Variants in MFSD8 observed in about 807,000 individuals in gnomAD.
The protein encoded by MFSD8 is major facilitator superfamily domain-containing protein 8.
In MFSD8, 55 loss-of-function variants were observed where a neutral mutation model predicts 66.4. The ratio of observed to expected loss-of-function variants is 0.83; its 90% CI spans 0.67 to 1.04. The LOEUF (loss-of-function observed/expected upper bound fraction) is 1.04, where lower values mean the gene tolerates loss of function less well. MFSD8 is among the 50% of genes least tolerant of loss of function. MFSD8 has a pLI of 0.00. For synonymous variants in MFSD8, 202 were observed against 212.8 expected, an observed-to-expected ratio of 0.95 and a Z score of 0.44; for missense variants, 550 against 627.6, an observed-to-expected ratio of 0.88 and a Z score of 1.32.
rs534117007 is a variant in MFSD8 at position 127,922,067 on chromosome 4, T to C, written c.999-104A>G. ...TAAAAATAATATCTTGTACTTTTAGTGATATATCCATTAAAAAGAATGCTA... is the reference window on the plus strand; with the variant it reads ...TAAAAATAATATCTTGTACTTTTAGCGATATATCCATTAAAAAGAATGCTA... On this transcript the variant is annotated intron_variant, in intron 9 of 11. Coordinates refer to ENST00000641686, the MANE Select transcript of MFSD8 (RefSeq NM_001371596.2). The C allele has an allele frequency of 3.7e-5, 39 of 1,060,904 alleles. No individual in the cohort carries two copies. In the African/African-American group the frequency reaches 5.6e-4, roughly 15 times the overall value. 65.7% of individuals were successfully genotyped at this position (1,060,904 alleles called of 1,614,324 possible). A position where few individuals can be genotyped will look rare whatever the true frequency, so the allele number is the denominator to read the frequency against.
intron 9 of MFSD8, among the ~76,000 whole-genome samples, chr4:127,928,195 G>A (rs532148691): frequency 6.6e-6 from 1 of 152,144 alleles, no homozygotes; most frequent in Non-Finnish European, 1.5e-5. Context: ...GGGACTACAC[G>A]CACATGCCAC....
chr4:127,923,531 G>GT (rs1229205548), intron 9 of MFSD8, among the ~76,000 whole-genome samples: 1 of 141,016 alleles, frequency 7.1e-6, no homozygotes, highest in Non-Finnish European at 1.5e-5. Flanking sequence ...CAGTTTTCCA[G>GT]TATTTTATTT....
In MFSD8 at chr4:127,943,892, T is replaced by C. The variant is rs1169812002; in HGVS notation, c.299A>G (p.Tyr100Cys). ...ASPIFGLWSN[Y>C]RPRKEPLIVS... ...AATAAGAGGCTCTTTTCTTGGTCTA[T>C]AATTAGACCATAAACCAAATATAGG... The change falls in exon 4 of 12, where the codon TAT becomes TGT. Residue 100 changes from tyrosine (Y) to cysteine (C), a missense_variant. Coordinates refer to ENST00000641686, the MANE Select transcript of MFSD8 (RefSeq NM_001371596.2). The C allele has an allele frequency of 1.2e-6, 2 of 1,614,054 alleles. No individual in the cohort carries two copies. Among genetic ancestry groups the C allele is most frequent in the East Asian group, 2.2e-5 (1 of 44,892 alleles).
intron 2 of MFSD8, among the ~76,000 whole-genome samples, chr4:127,955,991 C>A (rs760264165): frequency 6.6e-6 from 1 of 151,872 alleles, no homozygotes; most frequent in Non-Finnish European, 1.5e-5. Context: ...TGATAGCGTG[C>A]GCCTGTAGTC....
rs1256927375 is a variant in MFSD8 at position 127,920,854 on chromosome 4, G to A, written c.1351-18C>T. 1 of 1,610,676 alleles carries A rather than the reference G, an allele frequency of 6.2e-7. No individual in the cohort carries two copies. The highest frequency in any genetic ancestry group is 8.5e-7 in the Non-Finnish European group (1 of 1,178,238). On this transcript the variant is annotated intron_variant, in intron 11 of 11. Coordinates refer to ENST00000641686, the MANE Select transcript of MFSD8 (RefSeq NM_001371596.2). ...TATACACCCTGTTGGGGGTGAAATG[G>A]AGGACAAGCAGATTGATATTGGGGT...
At chr4:127,939,738 A>G in intron 6 of MFSD8, 115 bp downstream of exon 6, 1 of 1,182,750 alleles carries the variant, frequency 8.5e-7, no homozygotes, top group Admixed American at 2.6e-5. Flanking sequence ...ATATAAACAA[A>G]CTATAGACAT....
chr4:127,962,207 G>A (rs1275830011), intron 1 of MFSD8, among the ~76,000 whole-genome samples: 1 of 151,976 alleles, frequency 6.6e-6, no homozygotes, highest in African/African-American at 2.4e-5. Flanking sequence ...GGGACTGTTT[G>A]CTTCTACACC....
intron 1 of MFSD8, among the ~76,000 whole-genome samples, chr4:127,964,134 C>T (rs941139747): frequency 1.3e-5 from 2 of 152,266 alleles, no homozygotes; most frequent in Non-Finnish European, 2.9e-5. Context: ...CATAAACGTT[C>T]TCCACGTCTC....
intron 4 of MFSD8, among the ~76,000 whole-genome samples, chr4:127,942,395 G>A (rs1239051657): frequency 6.6e-6 from 1 of 152,072 alleles, no homozygotes; most frequent in Non-Finnish European, 1.5e-5. Context: ...GTGAAAAAAT[G>A]GTATCATAAG....
chr4:127,961,001 A>G (rs1305705277), intron 1 of MFSD8, among the ~76,000 whole-genome samples: 1 of 152,182 alleles, frequency 6.6e-6, no homozygotes, highest in Admixed American at 6.5e-5. Context: ...AATATTTACA[A>G]TCTGGGACTT....
At chr4:127,958,446 T>C (rs1211522430) in intron 1 of MFSD8, among the ~76,000 whole-genome samples, 1 of 152,000 alleles carries the variant, frequency 6.6e-6, no homozygotes, top group Non-Finnish European at 1.5e-5. Context: ...AAATTAGTCT[T>C]CAAAAAAGAA....
chr4:127,930,866 T>C, intron 8 of MFSD8, 49 bp from the exon 9 acceptor site: 2 of 1,541,658 alleles, frequency 1.3e-6, no homozygotes, highest in African/African-American at 1.4e-5. Flanking sequence ...CAGTAACTGT[T>C]ATACTTAAAG....
rs189679303 is a variant in MFSD8 at position 127,954,309 on chromosome 4, G to C, written c.154+3192C>G. ...TTTTATCAATATAAAAATAAGTTGAGGTTAGAGGCAACAAAAGATAAAAAC... is the reference window on the plus strand; with the variant it reads ...TTTTATCAATATAAAAATAAGTTGACGTTAGAGGCAACAAAAGATAAAAAC... On this transcript the variant is annotated intron_variant, in intron 2 of 11. Transcript: ENST00000641686. 2.2e-3 allele frequency among the ~76,000 whole-genome samples: 327 copies of C among 151,362 alleles called. 2 individuals carry two copies. The highest frequency in any genetic ancestry group is 6.8e-3 in the Middle Eastern group (2 of 294).
intron 2 of MFSD8, among the ~76,000 whole-genome samples, chr4:127,953,548 T>TC (rs1185820476): frequency 7.5e-6 from 1 of 132,652 alleles, no homozygotes; most frequent in African/African-American, 2.9e-5. Flanking sequence ...ATTCTGTTTT[T>TC]TTTTTTTTTT....
At chr4:127,959,792 A>G (rs973139522) in intron 1 of MFSD8, among the ~76,000 whole-genome samples, 2 of 152,248 alleles carry the variant, frequency 1.3e-5, no homozygotes, top group African/African-American at 4.8e-5. Context: ...TTAAAAAAGT[A>G]TAACTTCAAT....
rs543453360 is a variant in MFSD8 at position 127,929,322 on chromosome 4, C to CAAAAAAAAAAAAAAAA, written c.998+1345_998+1360dup. Among the ~76,000 whole-genome samples the CAAAAAAAAAAAAAAAA allele has an allele frequency of 3.3e-4, 10 of 30,364 alleles. 2 individuals are homozygous for CAAAAAAAAAAAAAAAA. Among genetic ancestry groups the CAAAAAAAAAAAAAAAA allele is most frequent in the African/African-American group, 1.8e-3 (10 of 5,406 alleles). The allele number at this position is 30,364 out of a possible 152,430, so 19.9% of individuals were successfully genotyped here. A position where few individuals can be genotyped will look rare whatever the true frequency, so the allele number is the denominator to read the frequency against. ...TGGGCAACAGAGCGAGACTCCGTCA[C>CAAAAAAAAAAAAAAAA]AAAAAAAAAAAAAAAAAAAAAAAAA... is the stretch of plus-strand genomic sequence containing the variant. On this transcript the variant is annotated intron_variant, in intron 9 of 11. Coordinates refer to ENST00000641686, the MANE Select transcript of MFSD8 (RefSeq NM_001371596.2).
rs1331862351 is a variant in MFSD8 at position 127,921,922 on chromosome 4, A to G, written c.1040T>C (p.Val347Ala). 4 of 1,614,194 alleles carry G rather than the reference A, an allele frequency of 2.5e-6. No homozygotes were observed. In the Admixed American group the frequency reaches 5.0e-5, roughly 20 times the overall value. Residue 347 changes from valine to alanine, a missense_variant, in exon 10 of 12, where the codon GTA (valine) becomes GCA (alanine). Coordinates refer to ENST00000641686, the MANE Select transcript of MFSD8 (RefSeq NM_001371596.2). ...TAACAAGATAAAGAAGCCAACCCAT[A>G]CAACGATGAGTCCTCCCAGTAGAAT... is the stretch of plus-strand genomic sequence containing the variant. The part of the protein sequence containing the change: ...RAILLGGLIV[V>A]WVGFFILLPW...
chr4:127,930,532 T>C (rs561673974), intron 9 of MFSD8, 151 bp downstream of exon 9: 2 of 843,920 alleles, frequency 2.4e-6, no homozygotes, highest in South Asian at 3.6e-5. Context: ...TGCTGTAATG[T>C]ATAGAAATAT....
intron 5 of MFSD8, among the ~76,000 whole-genome samples, chr4:127,941,707 C>T (rs1412527342): frequency 6.6e-6 from 1 of 152,152 alleles, no homozygotes; most frequent in African/African-American, 2.4e-5. Flanking sequence ...GGTGATCTGC[C>T]TTCCACAGAC....
Sources: allele counts gnomAD v4.1 joint callset (sites outside exome capture counted in the v4.1 genomes callset), GRCh38; gene constraint gnomAD v4.1.1; transcripts MANE v1.5; gene names NCBI Gene and HGNC (gene_info 2026-07-23, HGNC 2026-07-21).